The following LARGE1 variants were observed in gnomAD, a reference collection of about 807,000 sequenced individuals.
LARGE1 encodes LARGE xylosyl- and glucuronyltransferase 1.
A neutral mutation model predicts 87.6 loss-of-function variants in LARGE1; 43 were observed. That is an observed-to-expected ratio of 0.49 (90% CI 0.38 to 0.63). LARGE1 has a LOEUF of 0.63. LARGE1 is among the 30% of genes least tolerant of loss of function. The probability of loss-of-function intolerance (pLI) is 0.00; values close to 1 mark genes in which losing one functional copy is unlikely to be tolerated. For missense variants in LARGE1, 802 were observed against 1,000.2 expected, an observed-to-expected ratio of 0.80 and a Z score of 2.67; for synonymous variants, 434 against 394.6, an observed-to-expected ratio of 1.10 and a Z score of -1.18.
intron 6 of LARGE1, among the ~76,000 whole-genome samples, chr22:33,528,946 C>A (rs1411536477): frequency 6.6e-6 from 1 of 152,192 alleles, no homozygotes; most frequent in Admixed American, 6.5e-5. Context: ...ATGGAGTCAT[C>A]TCTTCTTAGA....
At chr22:33,184,088 C>CTATATATATATA (rs144013990) in intron 11 of LARGE1, among the ~76,000 whole-genome samples, 1,628 of 105,224 alleles carry the variant, frequency 0.015, 164 homozygotes, top group South Asian at 0.035. Flanking sequence ...AATCAGTACA[C>CTATATATATATA]TATATATATA....
chr22:33,902,341 G>C (rs1272376723), intron 1 of LARGE1, among the ~76,000 whole-genome samples: 2 of 152,126 alleles, frequency 1.3e-5, no homozygotes, highest in African/African-American at 4.8e-5. Context: ...CCTGCCTTAG[G>C]GCAGCCACCC....
intron 6 of LARGE1, among the ~76,000 whole-genome samples, chr22:33,517,110 A>AT (rs956919639): frequency 2.6e-5 from 4 of 152,102 alleles, no homozygotes; most frequent in Non-Finnish European, 5.9e-5. Context: ...AGCATGTGGC[A>AT]TTTTTTTCCC....
chr22:33,701,075 T>C (rs1194489465), intron 2 of LARGE1, among the ~76,000 whole-genome samples: 1 of 152,148 alleles, frequency 6.6e-6, no homozygotes, highest in Admixed American at 6.5e-5. Context: ...CAGTTGTGTC[T>C]TCTTGAGCAG....
chr22:33,769,375 T>A (rs1481976367), intron 1 of LARGE1, among the ~76,000 whole-genome samples: 3 of 152,192 alleles, frequency 2.0e-5, no homozygotes, highest in African/African-American at 7.2e-5. Context: ...TTACGGTCTA[T>A]CTCCCCTATC....
chr22:33,386,310 G>C (rs2065321417), intron 7 of LARGE1, among the ~76,000 whole-genome samples: 1 of 149,014 alleles, frequency 6.7e-6, no homozygotes, highest in African/African-American at 2.4e-5. Flanking sequence ...AGATCTGCGT[G>C]ATTCCAAGGC....
chr22:33,306,758 C>T (rs1934972467), intron 11 of LARGE1, among the ~76,000 whole-genome samples: 4 of 151,508 alleles, frequency 2.6e-5, no homozygotes, highest in Admixed American at 2.6e-4. Flanking sequence ...CCTGTAGTCC[C>T]AGCTACTTGT....
chr22:33,346,086 T>C (rs1325168370), intron 9 of LARGE1, among the ~76,000 whole-genome samples: 1 of 152,188 alleles, frequency 6.6e-6, no homozygotes, highest in East Asian at 1.9e-4. Context: ...CCACTTATGA[T>C]TCCAGCTCTA....
intron 1 of LARGE1, among the ~76,000 whole-genome samples, chr22:33,793,698 C>G (rs1293915375): frequency 6.6e-6 from 1 of 152,124 alleles, no homozygotes; most frequent in Non-Finnish European, 1.5e-5. Flanking sequence ...CTAAATAGAA[C>G]TTTTTCCAGC....
chr22:33,398,257 C>T (rs1235884222), intron 7 of LARGE1, among the ~76,000 whole-genome samples: 1 of 152,004 alleles, frequency 6.6e-6, no homozygotes, highest in Non-Finnish European at 1.5e-5. Flanking sequence ...AAATCCATGC[C>T]CCATCTCTAT....
At chr22:33,642,790 C>G (rs992357384) in intron 3 of LARGE1, among the ~76,000 whole-genome samples, 1 of 139,762 alleles carries the variant, frequency 7.2e-6, no homozygotes. Flanking sequence ...CAACAAAGAC[C>G]AAAAGAGACA....
rs934025847 is a variant in LARGE1, at chr22:33,740,024, G to A, written c.106+21347C>T. 2.0e-5 allele frequency among the ~76,000 whole-genome samples: 3 copies of A among 152,276 alleles called. No homozygotes were observed. In the South Asian group the frequency reaches 6.2e-4, roughly 32 times the overall value. ...TACAGTGTTTCAGACTTGCTGTGTT[G>A]CTTTTCCTACTGGGATCATCTGACT... On this transcript the variant is annotated intron_variant, in intron 2 of 14. Transcript: ENST00000397394.
the LARGE1 span, among the ~76,000 whole-genome samples, chr22:33,156,359 C>A: frequency 1.3e-5 from 2 of 152,188 alleles, no homozygotes; most frequent in African/African-American, 4.8e-5. Flanking sequence ...CCCTGCAAAG[C>A]CATAGAGGCA....
intron 9 of LARGE1, among the ~76,000 whole-genome samples, chr22:33,341,360 C>T (rs781592885): frequency 1.2e-4 from 18 of 152,060 alleles, no homozygotes; most frequent in South Asian, 1.0e-3. Flanking sequence ...GACTGGACTA[C>T]GACACTGAGG....
Position 33,730,266 on chromosome 22 carries a change from G to A in LARGE1, c.106+31105C>T, listed in dbSNP as rs146886205. On this transcript the variant is annotated intron_variant, in intron 2 of 14. Coordinates refer to ENST00000397394, the MANE Select transcript of LARGE1 (RefSeq NM_133642.5). ...TCTTAATAACAATTTCTCCTCTCTA[G>A]TTTACTTCACTGTAAGAGTACAGTA... is the stretch of plus-strand genomic sequence containing the variant. 2.8e-3 allele frequency among the ~76,000 whole-genome samples: 419 copies of A among 152,110 alleles called. 3 individuals are homozygous for A. Among genetic ancestry groups the A allele is most frequent in the African/African-American group, 9.7e-3 (401 of 41,468 alleles).
chr22:33,253,289 A>C (rs1033402482), intron 11 of LARGE1, among the ~76,000 whole-genome samples: 3 of 152,234 alleles, frequency 2.0e-5, no homozygotes, highest in Non-Finnish European at 4.4e-5. Flanking sequence ...TAATAAGTGC[A>C]AGTCATTTTT....
At chr22:33,491,268 T>A (rs1267591214) in intron 6 of LARGE1, among the ~76,000 whole-genome samples, 1 of 152,210 alleles carries the variant, frequency 6.6e-6, no homozygotes, top group African/African-American at 2.4e-5. Context: ...TCCTGATAGC[T>A]GGCCACCCAC....
intron 1 of LARGE1, among the ~76,000 whole-genome samples, chr22:33,834,155 A>G (rs952932201): frequency 2.6e-5 from 4 of 152,198 alleles, no homozygotes; most frequent in Non-Finnish European, 5.9e-5. Flanking sequence ...AGCATCTATT[A>G]TGTGATAAGG....
chr22:33,362,332 A>C (rs1312317837), intron 9 of LARGE1, among the ~76,000 whole-genome samples: 2 of 149,742 alleles, frequency 1.3e-5, no homozygotes, highest in African/African-American at 4.9e-5. Context: ...TCAATAATGT[A>C]ACTGAACCTG....
Sources: allele counts gnomAD v4.1 joint callset (sites outside exome capture counted in the v4.1 genomes callset), GRCh38; gene constraint gnomAD v4.1.1; transcripts MANE v1.5; gene names NCBI Gene and HGNC (gene_info 2026-07-23, HGNC 2026-07-21).